The following RGL1 variants were observed in gnomAD, a reference collection of about 807,000 sequenced individuals.
RGL1 encodes the protein ral guanine nucleotide dissociation stimulator like 1.
A neutral mutation model predicts 95.2 loss-of-function variants in RGL1; 24 were observed. That is an observed-to-expected ratio of 0.25 (90% confidence interval 0.18 to 0.35). The LOEUF (loss-of-function observed/expected upper bound fraction) is 0.35. RGL1 is among the 10% of genes least tolerant of loss of function. The pLI, the probability that RGL1 is intolerant of heterozygous loss-of-function variation, is 1.00. For synonymous variants in RGL1, 329 were observed against 344.9 expected (o/e 0.95, Z 0.51); for missense variants, 715 against 936.3 (o/e 0.76, Z 3.08).
intron 8 of RGL1, among the ~76,000 whole-genome samples, chr1:183,890,850 G>A (rs551532890): frequency 6.6e-6 from 1 of 152,270 alleles, no homozygotes; most frequent in South Asian, 2.1e-4. Flanking sequence ...AAAGGGTAGA[G>A]GGCTGCTTTT....
intron 2 of RGL1, among the ~76,000 whole-genome samples, chr1:183,747,205 G>C (rs1427475881): frequency 6.6e-6 from 1 of 152,088 alleles, no homozygotes; most frequent in East Asian, 1.9e-4. Context: ...GGTATTTCTG[G>C]TTCTAGATCC....
intron 1 of RGL1, among the ~76,000 whole-genome samples, chr1:183,714,676 A>G (rs1403336707): frequency 6.6e-6 from 1 of 152,246 alleles, no homozygotes; most frequent in Non-Finnish European, 1.5e-5. Flanking sequence ...AATTCTTTCC[A>G]TAGTACTGTC....
At chr1:183,922,141 A>G (rs1669340224) in intron 16 of RGL1, 81 bp from the exon 17 acceptor site, 4 of 1,135,692 alleles carry the variant, frequency 3.5e-6, no homozygotes, top group South Asian at 2.6e-5. Flanking sequence ...AACACAAGAC[A>G]GCAAGAATGA....
Position 183,754,452 on chromosome 1 carries a change from T to C in RGL1, c.132+12163T>C, listed in dbSNP as rs926773479. 2.0e-5 allele frequency: 3 copies of C among 151,748 alleles called. No homozygotes were observed. In the East Asian group the frequency reaches 5.8e-4, roughly 29 times the overall value. 9.4% of individuals were successfully genotyped at this position (151,748 alleles called of 1,614,324 possible). On this transcript the variant is annotated intron_variant, in intron 2 of 18. Transcript: ENST00000304685. ...ATAATAAAAGTTTATTTCTCAATCA[T>C]ATAATAGTCCAATTTAGGTGTTTCT...
intron 1 of RGL1, among the ~76,000 whole-genome samples, chr1:183,682,861 G>T (rs1310391525): frequency 1.3e-5 from 2 of 152,098 alleles, no homozygotes; most frequent in African/African-American, 4.8e-5. Context: ...CTTGTATTGG[G>T]TGCGTATATA....
chr1:183,684,620 A>G (rs1189568702), intron 1 of RGL1, among the ~76,000 whole-genome samples: 1 of 152,006 alleles, frequency 6.6e-6, no homozygotes, highest in Non-Finnish European at 1.5e-5. Flanking sequence ...CTGGTGTTCC[A>G]GGCGCCACTG....
At chr1:183,806,528 T>C in intron 2 of RGL1, 43 bp downstream of exon 2, 1 of 1,315,426 alleles carries the variant, frequency 7.6e-7, no homozygotes. Context: ...AATTTCAGTG[T>C]CTGTCGTTCT....
At chr1:183,922,407 C>T (rs572968300) in intron 17 of RGL1, 71 bp downstream of exon 17, 47 of 1,123,492 alleles carry the variant, frequency 4.2e-5, no homozygotes, top group South Asian at 3.6e-4. Flanking sequence ...CAGTGCTCCG[C>T]GTTTAGAAGG....
exon 1 of RGL1, chr1:183,636,199 G>A (rs1649521103): frequency 2.5e-6 from 1 of 399,534 alleles, no homozygotes; most frequent in Non-Finnish European, 4.4e-6. Context: ...GTAAGGTCCG[G>A]CTGGCTGGGA....
At chr1:183,691,746 G>C (rs1370152713) in intron 1 of RGL1, among the ~76,000 whole-genome samples, 1 of 152,070 alleles carries the variant, frequency 6.6e-6, no homozygotes, top group Non-Finnish European at 1.5e-5. Context: ...TTTAATTGGA[G>C]GACCTGAGAA....
chr1:183,882,224 GA>G (rs1227229867), intron 5 of RGL1, among the ~76,000 whole-genome samples: 5 of 152,258 alleles, frequency 3.3e-5, no homozygotes, highest in African/African-American at 1.2e-4. Context: ...CTATGCCCCA[GA>G]GAGAAAGGAT....
At chr1:183,806,104 A>G (rs1661317579) in intron 1 of RGL1, among the ~76,000 whole-genome samples, 2 of 150,432 alleles carry the variant, frequency 1.3e-5, no homozygotes, top group South Asian at 4.2e-4. Context: ...TTCAAAACAA[A>G]ACTATTTAAG....
chr1:183,711,808 G>T (rs952809155), intron 1 of RGL1, among the ~76,000 whole-genome samples: 2 of 152,120 alleles, frequency 1.3e-5, no homozygotes, highest in Non-Finnish European at 2.9e-5. Context: ...GGCGGGCGGA[G>T]AAGAAGAAGA....
At chr1:183,789,340 C>T (rs1660333779) in intron 2 of RGL1, among the ~76,000 whole-genome samples, 1 of 152,104 alleles carries the variant, frequency 6.6e-6, no homozygotes, top group African/African-American at 2.4e-5. Flanking sequence ...ATCCCAGCTA[C>T]TTGGGAGGCT....
rs1572334884 is a variant in RGL1 at position 183,724,928 on chromosome 1, T to C, written c.-32-17198T>C. On this transcript the variant is annotated intron_variant, in intron 1 of 18. Coordinates refer to the RGL1 transcript ENST00000304685. The surrounding 1 kb of genome is among the most constrained non-coding windows in gnomAD (Gnocchi z 4.1). Reference sequence around the variant, plus strand: ...GTCCCAGTGGTAGTGGCCACAGGGGTGGTTGTGTCATCTCTCCCCCAGCTC... The same window carrying C: ...GTCCCAGTGGTAGTGGCCACAGGGGCGGTTGTGTCATCTCTCCCCCAGCTC... Among the ~76,000 whole-genome samples the C allele has an allele frequency of 2.0e-5, 3 of 150,322 alleles. No individual in the cohort carries two copies. Among genetic ancestry groups the C allele is most frequent in the Non-Finnish European group, 4.4e-5 (3 of 67,600 alleles).
At chr1:183,680,930 C>G (rs1413050776) in intron 1 of RGL1, among the ~76,000 whole-genome samples, 1 of 152,094 alleles carries the variant, frequency 6.6e-6, no homozygotes, top group African/African-American at 2.4e-5. Flanking sequence ...ATTTTATTCT[C>G]TTTATAGCAA....
chr1:183,898,003 T>C, intron 10 of RGL1, 106 bp downstream of exon 10: 1 of 866,814 alleles, frequency 1.2e-6, no homozygotes, highest in South Asian at 1.6e-5. Context: ...GCACCCAGGC[T>C]TTCAGAAAGG....
intron 3 of RGL1, among the ~76,000 whole-genome samples, chr1:183,859,137 G>T (rs770198883): frequency 2.0e-5 from 3 of 152,200 alleles, no homozygotes; most frequent in Non-Finnish European, 2.9e-5. Context: ...CCATTGCAGT[G>T]TACTAACAAG....
chr1:183,719,703 T>C lies in RGL1; in HGVS notation c.-32-22423T>C, dbSNP rs146617206. On this transcript the variant is annotated intron_variant, in intron 1 of 18. Transcript: ENST00000304685. ...GATGGATCACCTGAGGTCAGGAGTT[T>C]GAGACCAGCCTGGCCAACATGGGTG... Among the ~76,000 whole-genome samples the C allele has an allele frequency of 2.9e-3, 441 of 152,230 alleles. 4 individuals are homozygous for C. Among genetic ancestry groups the C allele is most frequent in the African/African-American group, 0.01 (424 of 41,542 alleles).
Sources: allele counts gnomAD v4.1 joint callset (sites outside exome capture counted in the v4.1 genomes callset), GRCh38; gene constraint gnomAD v4.1.1; non-coding constraint Gnocchi (gnomAD v3.1); transcripts MANE v1.5; gene names NCBI Gene and HGNC (gene_info 2026-07-23, HGNC 2026-07-21).